Variants in GRIK4 observed in about 807,000 individuals in gnomAD.
GRIK4 encodes the protein glutamate ionotropic receptor kainate type subunit 4.
GRIK4 carries 40 observed loss-of-function variants against 104.9 expected under a neutral mutation model. The observed-to-expected ratio is 0.38, with a 90% confidence interval of 0.30 to 0.50. The LOEUF (loss-of-function observed/expected upper bound fraction) is 0.50, where lower values mean the gene tolerates loss of function less well. Ranked by LOEUF, GRIK4 falls within the 20% of genes least tolerant of loss-of-function variation. The probability of loss-of-function intolerance (pLI) is 0.93; values close to 1 mark genes in which losing one functional copy is unlikely to be tolerated. For synonymous variants in GRIK4, 485 were observed against 524.9 expected, an observed-to-expected ratio of 0.92 and a Z score of 1.04; for missense variants, 1,047 against 1,308.1, an observed-to-expected ratio of 0.80 and a Z score of 3.08.
intron 1 of GRIK4, among the ~76,000 whole-genome samples, chr11:120,609,371 G>A (rs1949002937): frequency 6.6e-6 from 1 of 151,676 alleles, no homozygotes; most frequent in African/African-American, 2.4e-5. Flanking sequence ...TCCTGCCTCA[G>A]CCTCCCAAGT....
At chr11:120,835,949 A>G (rs1045251967) in intron 7 of GRIK4, among the ~76,000 whole-genome samples, 2 of 152,218 alleles carry the variant, frequency 1.3e-5, no homozygotes, top group African/African-American at 4.8e-5. Context: ...AGGGTGAGGC[A>G]TGCCACAGGC....
chr11:120,747,836 G>C (rs998003835), intron 3 of GRIK4, among the ~76,000 whole-genome samples: 1 of 152,178 alleles, frequency 6.6e-6, no homozygotes, highest in Non-Finnish European at 1.5e-5. Context: ...GCGTGTGCGT[G>C]GCTACGCACA....
At chr11:120,536,307 C>T (rs943082169) in intron 1 of GRIK4, among the ~76,000 whole-genome samples, 3 of 152,146 alleles carry the variant, frequency 2.0e-5, no homozygotes, top group African/African-American at 7.2e-5. Context: ...CAAGTTGGGC[C>T]CAAACCACCT....
At chr11:120,839,616 G>A (rs903647156) in intron 8 of GRIK4, among the ~76,000 whole-genome samples, 3 of 152,226 alleles carry the variant, frequency 2.0e-5, no homozygotes, top group Non-Finnish European at 4.4e-5. Flanking sequence ...ACCTGTGAAA[G>A]TGACTCCTAA....
intron 13 of GRIK4, among the ~76,000 whole-genome samples, chr11:120,911,340 G>T (rs1336961086): frequency 6.7e-6 from 1 of 149,256 alleles, no homozygotes; most frequent in Non-Finnish European, 1.5e-5. Context: ...CCGGGTTCAC[G>T]CCATTCTCCT....
rs918962169 is a variant in GRIK4 at position 120,554,521 on chromosome 11, C to T, written c.-159+42634C>T. On this transcript the variant is annotated intron_variant, in intron 1 of 20. Transcript: ENST00000527524. The stretch of plus-strand genomic sequence containing the variant: ...AGGGGAGAGGTTTGGCTTCCTTTTC[C>T]TTCCAGTCTCTCTCTGTCGCTCTCT... Among the ~76,000 whole-genome samples the T allele has an allele frequency of 5.3e-5, 8 of 151,918 alleles. 1 individual carries two copies.
In GRIK4 at chr11:120,902,684, G is replaced by A. The variant is rs773547341; in HGVS notation, c.1273-2606G>A. On this transcript the variant is annotated intron_variant, in intron 12 of 20. Coordinates refer to ENST00000527524, the MANE Select transcript of GRIK4 (RefSeq NM_014619.5). The surrounding 1 kb of genome is among the most constrained non-coding windows in gnomAD (Gnocchi z 4.5). ...ATTCTACCTAGAGCAGGCGCAAATC[G>A]GAAAACATTGGAGGGTGATTGTGTG... is the stretch of plus-strand genomic sequence containing the variant. 2.6e-5 allele frequency among the ~76,000 whole-genome samples: 4 copies of A among 152,158 alleles called. No homozygotes were observed. The highest frequency in any genetic ancestry group is 1.9e-4 in the East Asian group (1 of 5,192).
intron 3 of GRIK4, among the ~76,000 whole-genome samples, chr11:120,705,780 G>A (rs12294858): frequency 0.23 from 35,016 of 152,092 alleles, 5,766 homozygotes; most frequent in African/African-American, 0.47. Flanking sequence ...TATCGTAAAT[G>A]GAAATATTTC....
At chr11:120,560,256 T>C (rs1452989755) in intron 1 of GRIK4, among the ~76,000 whole-genome samples, 4 of 152,110 alleles carry the variant, frequency 2.6e-5, no homozygotes, top group Admixed American at 6.5e-5. Context: ...TTCACCATGT[T>C]GGCCAGGCTG....
intron 3 of GRIK4, among the ~76,000 whole-genome samples, chr11:120,712,611 G>A (rs1417559350): frequency 2.0e-5 from 3 of 146,498 alleles, no homozygotes; most frequent in African/African-American, 7.7e-5. Context: ...AACATAGTAA[G>A]ACCCTGTCTC....
At chr11:120,562,301 G>C (rs1463492107) in intron 1 of GRIK4, among the ~76,000 whole-genome samples, 5 of 152,216 alleles carry the variant, frequency 3.3e-5, no homozygotes, top group African/African-American at 1.2e-4. Flanking sequence ...TTTCCAATAA[G>C]GCAATGATTG....
At position 120,962,572 on chromosome 11, in the gene GRIK4, C is replaced by G; in HGVS notation, c.2157C>G (p.Ala719=). The change falls in exon 18 of 21, where the codon GCC becomes GCG. Residue 719 remains alanine (A), a synonymous_variant. Coordinates refer to ENST00000527524, the MANE Select transcript of GRIK4 (RefSeq NM_014619.5). Reference sequence around the variant, plus strand: ...CCAGGGTGTTGAATTCCAACTACGCCTTCCTCCTGGAATCCACCATGAACG... The same window carrying G: ...CCAGGGTGTTGAATTCCAACTACGCGTTCCTCCTGGAATCCACCATGAACG... ...GIARVLNSNY[A]FLLESTMNEY... is the part of the protein sequence containing the mutation. The G allele has an allele frequency of 6.2e-7, 1 of 1,613,972 alleles. No homozygotes were observed. Among genetic ancestry groups the G allele is most frequent in the Non-Finnish European group, 8.5e-7 (1 of 1,179,848 alleles).
chr11:120,842,647 C>T (rs1382574328), intron 8 of GRIK4, among the ~76,000 whole-genome samples: 1 of 152,208 alleles, frequency 6.6e-6, no homozygotes, highest in East Asian at 1.9e-4. Flanking sequence ...AGGATGTCAG[C>T]TTCCCGTGTT....
At chr11:120,740,623 T>C (rs1206546600) in intron 3 of GRIK4, among the ~76,000 whole-genome samples, 1 of 152,206 alleles carries the variant, frequency 6.6e-6, no homozygotes, top group East Asian at 1.9e-4. Context: ...CTCTGGCATC[T>C]GCCTGGGATC....
intron 3 of GRIK4, among the ~76,000 whole-genome samples, chr11:120,780,447 A>T (rs770866614): frequency 5.9e-5 from 9 of 152,214 alleles, no homozygotes; most frequent in Non-Finnish European, 8.8e-5. Flanking sequence ...TCATCCTTGT[A>T]GTATGTGTCA....
At chr11:120,667,777 A>G (rs1285426014) in intron 3 of GRIK4, among the ~76,000 whole-genome samples, 1 of 152,202 alleles carries the variant, frequency 6.6e-6, no homozygotes, top group Non-Finnish European at 1.5e-5. Flanking sequence ...GAGGACACTG[A>G]CCAGTCAGGT....
chr11:120,847,481 C>G (rs1166018100), intron 8 of GRIK4, among the ~76,000 whole-genome samples: 1 of 152,160 alleles, frequency 6.6e-6, no homozygotes, highest in Non-Finnish European at 1.5e-5. Context: ...TCAAAAGCTT[C>G]CTGGAATAGG....
At chr11:120,706,918 G>A (rs986216131) in intron 3 of GRIK4, among the ~76,000 whole-genome samples, 5 of 152,168 alleles carry the variant, frequency 3.3e-5, no homozygotes, top group African/African-American at 9.7e-5. Context: ...GACTGACAGT[G>A]CTGACAGTGG....
At chr11:120,593,287 C>T (rs939983557) in intron 1 of GRIK4, among the ~76,000 whole-genome samples, 3 of 152,096 alleles carry the variant, frequency 2.0e-5, no homozygotes, top group African/African-American at 7.2e-5. Flanking sequence ...CATACACTGC[C>T]TCCACTTCAC....
Sources: allele counts gnomAD v4.1 joint callset (sites outside exome capture counted in the v4.1 genomes callset), GRCh38; gene constraint gnomAD v4.1.1; non-coding constraint Gnocchi (gnomAD v3.1); transcripts MANE v1.5; gene names NCBI Gene and HGNC (gene_info 2026-07-23, HGNC 2026-07-21).